The following ARID1B variants were observed in gnomAD, a reference collection of about 807,000 sequenced individuals.
ARID1B encodes the protein AT-rich interaction domain 1B.
In ARID1B, 30 loss-of-function variants were observed where a neutral mutation model predicts 212.3. The observed-to-expected ratio is 0.14, with a 90% confidence interval of 0.11 to 0.19. The LOEUF (loss-of-function observed/expected upper bound fraction) is 0.19, where lower values mean the gene tolerates loss of function less well. ARID1B is among the 10% of genes least tolerant of loss of function. The pLI is 1.00. For missense variants in ARID1B, 2,891 were observed against 3,204.0 expected, an observed-to-expected ratio of 0.90 and a Z score of 2.36; for synonymous variants, 1,402 against 1,301.7, an observed-to-expected ratio of 1.08 and a Z score of -1.66.
intron 1 of ARID1B, among the ~76,000 whole-genome samples, chr6:156,818,916 AATG>A (rs1782162493): frequency 6.6e-6 from 1 of 152,074 alleles, no homozygotes; most frequent in Non-Finnish European, 1.5e-5. Context: ...TCCATATAAT[AATG>A]ATGATAATAA....
rs149352410 is a variant in ARID1B at position 157,079,584 on chromosome 6, A to G, written c.2248-5078A>G. On this transcript the variant is annotated intron_variant, in intron 4 of 19. Transcript: ENST00000636930. The stretch of plus-strand genomic sequence containing the variant: ...TAATGACACTGGATACTTGACATCC[A>G]GGATGTTAATTAGAAACAGAGGGCT... 5.6e-3 allele frequency among the ~76,000 whole-genome samples: 849 copies of G among 152,366 alleles called. 2 individuals carry two copies. Among genetic ancestry groups the G allele is most frequent in the Middle Eastern group, 0.017 (5 of 294 alleles).
chr6:156,920,740 T>TAGG (rs1790712742), intron 3 of ARID1B, among the ~76,000 whole-genome samples: 1 of 152,206 alleles, frequency 6.6e-6, no homozygotes, highest in Non-Finnish European at 1.5e-5. Flanking sequence ...GGTTTATGTC[T>TAGG]CTTTGCATTA....
intron 6 of ARID1B, among the ~76,000 whole-genome samples, chr6:157,123,231 G>GC (rs1562637014): frequency 1.3e-4 from 4 of 29,906 alleles, no homozygotes; most frequent in Non-Finnish European, 2.0e-4. Context: ...TCTCCCCCCC[G>GC]CCCCCCGCCC....
chr6:157,116,246 A>G lies in ARID1B; in HGVS notation c.2581+5685A>G, dbSNP rs145360125. Reference sequence around the variant, plus strand: ...CACGTTAAGCTTAATGAAACTAACAAATGCCCTTCTAGTTTATTGGATTAG... The same window carrying G: ...CACGTTAAGCTTAATGAAACTAACAGATGCCCTTCTAGTTTATTGGATTAG... On this transcript the variant is annotated intron_variant, in intron 6 of 19. Transcript: ENST00000636930. 2.5e-4 allele frequency among the ~76,000 whole-genome samples: 38 copies of G among 152,246 alleles called. No homozygotes were observed. The East Asian group carries it at 7.1e-3, about 29-fold the overall frequency.
At chr6:157,091,491 A>G (rs1785280932) in intron 5 of ARID1B, among the ~76,000 whole-genome samples, 3 of 152,228 alleles carry the variant, frequency 2.0e-5, no homozygotes. Context: ...TTTGACATTC[A>G]AACAAGCAGA....
At chr6:156,938,728 A>G (rs1438650099) in intron 4 of ARID1B, 1 of 152,198 alleles carries the variant, frequency 6.6e-6, no homozygotes, top group Non-Finnish European at 1.5e-5. Context: ...GTTTGTTACA[A>G]TGTAACAACT....
rs952961321 is a variant in ARID1B, at chr6:157,020,464, A to AT, written c.2248-64190dup. Among the ~76,000 whole-genome samples the AT allele has an allele frequency of 6.6e-5, 10 of 152,174 alleles. No homozygotes were observed. In the Middle Eastern group the frequency reaches 0.017, roughly 259 times the overall value. ...AAAATATATATTTAATATGAAATTA[A>AT]TTTTTTTTAATTAACCCAAACTTTA... On this transcript the variant is annotated intron_variant, in intron 4 of 19. Coordinates refer to ENST00000636930, the MANE Select transcript of ARID1B (RefSeq NM_001374828.1).
intron 2 of ARID1B, among the ~76,000 whole-genome samples, chr6:156,861,057 T>G (rs1006983556): frequency 1.3e-5 from 2 of 151,920 alleles, no homozygotes; most frequent in African/African-American, 4.8e-5. Flanking sequence ...TACACTGTGG[T>G]CGTTAGTAGA....
chr6:157,203,847 T>C lies in ARID1B; in HGVS notation c.5264-19T>C. The stretch of plus-strand genomic sequence containing the variant: ...ATAGAGTCAACATTCATGATATCCT[T>C]GTTCTTCCCCATCTTCAGTTACTCC... On this transcript the variant is annotated intron_variant, in intron 18 of 19. Coordinates refer to ENST00000636930, the MANE Select transcript of ARID1B (RefSeq NM_001374828.1). The surrounding 1 kb of genome is among the most constrained non-coding windows in gnomAD (Gnocchi z 4.4). 1.2e-6 allele frequency: 2 copies of C among 1,613,916 alleles called. No homozygotes were observed. The highest frequency in any genetic ancestry group is 1.7e-6 in the Non-Finnish European group (2 of 1,179,804).
intron 1 of ARID1B, among the ~76,000 whole-genome samples, chr6:156,811,032 G>GCCTCAGTC (rs1323625217): frequency 6.6e-6 from 1 of 152,120 alleles, no homozygotes; most frequent in Non-Finnish European, 1.5e-5. Flanking sequence ...CTTGACTGGG[G>GCCTCAGTC]AAGGCCGCCT....
rs182109569 is a variant in ARID1B at position 156,898,100 on chromosome 6, A to G, written c.1987-3276A>G. Among the ~76,000 whole-genome samples the G allele has an allele frequency of 2.8e-3, 432 of 152,182 alleles. 3 individuals are homozygous for G. The highest frequency in any genetic ancestry group is 9.8e-3 in the African/African-American group (406 of 41,534). ...CGAGAGTGACCATGGTTAGGGTTAGACTGGGGAGGGAGGGCCGCCCGAGCT... is the reference window on the plus strand; with the variant it reads ...CGAGAGTGACCATGGTTAGGGTTAGGCTGGGGAGGGAGGGCCGCCCGAGCT... On this transcript the variant is annotated intron_variant, in intron 2 of 19. Transcript: ENST00000636930.
At chr6:156,930,110 A>G (rs2128255506) in intron 3 of ARID1B, among the ~76,000 whole-genome samples, 1 of 152,316 alleles carries the variant, frequency 6.6e-6, no homozygotes, top group South Asian at 2.1e-4. Context: ...TAGCAATCTG[A>G]TACAGTTTGG....
chr6:157,108,399 C>G (rs1033901190), intron 5 of ARID1B, among the ~76,000 whole-genome samples: 5 of 152,156 alleles, frequency 3.3e-5, no homozygotes, highest in African/African-American at 9.7e-5. Context: ...CATAGAATTA[C>G]TGTTTGTTTT....
intron 11 of ARID1B, among the ~76,000 whole-genome samples, chr6:157,178,080 G>T (rs1792228932): frequency 6.6e-6 from 1 of 152,170 alleles, no homozygotes. Flanking sequence ...CATAAGCTGG[G>T]GTGGAGGCGT....
At chr6:156,885,141 A>G (rs2128176072) in intron 2 of ARID1B, among the ~76,000 whole-genome samples, 1 of 152,312 alleles carries the variant, frequency 6.6e-6, no homozygotes, top group South Asian at 2.1e-4. Flanking sequence ...AATATGATCT[A>G]ATTTCAGAAC....
intron 3 of ARID1B, among the ~76,000 whole-genome samples, chr6:156,910,314 T>C (rs1371426867): frequency 4.6e-5 from 7 of 152,240 alleles, no homozygotes; most frequent in African/African-American, 1.7e-4. Flanking sequence ...GAGCCACTTA[T>C]TCCTGCTACC....
At chr6:156,786,184 T>C (rs1779615908) in intron 1 of ARID1B, among the ~76,000 whole-genome samples, 1 of 152,172 alleles carries the variant, frequency 6.6e-6, no homozygotes, top group African/African-American at 2.4e-5. Context: ...TGAAAATCAT[T>C]TATAGTGATA....
At chr6:156,962,457 T>C (rs1794451067) in intron 4 of ARID1B, among the ~76,000 whole-genome samples, 1 of 152,094 alleles carries the variant, frequency 6.6e-6, no homozygotes, top group South Asian at 2.1e-4. Context: ...CTATTTCTTT[T>C]CTCTTTTGGG....
At chr6:156,888,759 G>A (rs1562461565) in intron 2 of ARID1B, among the ~76,000 whole-genome samples, 1 of 152,104 alleles carries the variant, frequency 6.6e-6, no homozygotes, top group Non-Finnish European at 1.5e-5. Context: ...TGACCCGTTC[G>A]TTACTATAGA....
Sources: gnomAD v4.1 joint callset for allele counts (sites outside exome capture counted in the v4.1 genomes callset) on GRCh38, gnomAD v4.1.1 for gene constraint, Gnocchi (gnomAD v3.1) non-coding constraint, MANE v1.5 for transcripts, NCBI Gene and HGNC (gene_info 2026-07-23, HGNC 2026-07-21) for gene names.